The following PRR5 variants were observed in gnomAD, a reference collection of about 807,000 sequenced individuals.
PRR5 encodes proline-rich protein 5.
Under a neutral mutation model 30.6 loss-of-function variants are expected in PRR5, and 25 were observed. That is an observed-to-expected ratio of 0.82 (90% CI 0.60 to 1.14). The LOEUF is 1.14. Ranked by LOEUF, PRR5 falls within the 50% of genes most tolerant of loss-of-function variation. The pLI, the probability that PRR5 is intolerant of heterozygous loss-of-function variation, is 0.00. For synonymous variants in PRR5, 286 were observed against 247.1 expected (o/e 1.16, Z -1.48); for missense variants, 600 against 547.1 (o/e 1.10, Z -0.96).
intron 2 of PRR5, among the ~76,000 whole-genome samples, chr22:44,719,235 A>G (rs1181624296): frequency 6.9e-6 from 1 of 145,394 alleles, no homozygotes; most frequent in Non-Finnish European, 1.5e-5. Flanking sequence ...GTCCAGCACC[A>G]AGCCTAGCTA....
intron 1 of PRR5, among the ~76,000 whole-genome samples, chr22:44,702,859 C>A (rs1926566217): frequency 6.6e-6 from 1 of 152,202 alleles, no homozygotes; most frequent in South Asian, 2.1e-4. Flanking sequence ...AAGCGCCCGG[C>A]GGGTGGGCGG....
At position 44,702,341 on chromosome 22, in the gene PRR5, G is replaced by C. The variant is rs1330351261; in HGVS notation, c.-134G>C. On this transcript the variant is annotated 5_prime_UTR_variant, in exon 1 of 8. Coordinates refer to ENST00000336985, the MANE Select transcript of PRR5 (RefSeq NM_181333.4). ...CGCGGGGCCGGGGCGGGACCCCGCA[G>C]GACCGCTCGGCTTCCTGCTCTCGCC... is the stretch of plus-strand genomic sequence containing the variant. 3.4e-6 allele frequency: 4 copies of C among 1,173,352 alleles called. No individual in the cohort carries two copies. The allele number at this position is 1,173,352 out of a possible 1,614,324, so 72.7% of individuals were successfully genotyped here.
chr22:44,725,115 A>C, intron 2 of PRR5, 129 bp from the exon 3 acceptor site: 1 of 1,371,802 alleles, frequency 7.3e-7, no homozygotes, highest in Non-Finnish European at 1.0e-6. Flanking sequence ...CCTGTCCACT[A>C]CCCATGTTTT....
chr22:44,701,407 C>A (rs894924808), upstream of PRR5, among the ~76,000 whole-genome samples: 2 of 152,238 alleles, frequency 1.3e-5, no homozygotes, highest in Non-Finnish European at 2.9e-5. Flanking sequence ...GCCTCAATGT[C>A]CTCAACTGGA....
At chr22:44,720,950 G>T (rs1929841325) in intron 2 of PRR5, among the ~76,000 whole-genome samples, 2 of 152,190 alleles carry the variant, frequency 1.3e-5, no homozygotes, top group Admixed American at 6.5e-5. Context: ...TCCAGCCATT[G>T]TGAGCCAAGG....
chr22:44,713,387 C>T (rs1426563950), intron 1 of PRR5, among the ~76,000 whole-genome samples: 3 of 151,786 alleles, frequency 2.0e-5, no homozygotes, highest in African/African-American at 7.3e-5. Context: ...GTGAGCCACC[C>T]CGCTCGGCCT....
At chr22:44,704,250 G>C (rs1210434951) in intron 1 of PRR5, among the ~76,000 whole-genome samples, 1 of 152,176 alleles carries the variant, frequency 6.6e-6, no homozygotes, top group Non-Finnish European at 1.5e-5. Context: ...GGCTCCACAG[G>C]AATCAGTCAG....
chr22:44,726,320 G>A (rs1349536926), intron 3 of PRR5, among the ~76,000 whole-genome samples: 1 of 152,242 alleles, frequency 6.6e-6, no homozygotes, highest in Non-Finnish European at 1.5e-5. Context: ...AGTGCAAGGA[G>A]CTCTAGGCCC....
intron 1 of PRR5, among the ~76,000 whole-genome samples, chr22:44,710,743 G>C (rs1467506387): frequency 6.6e-6 from 1 of 152,198 alleles, no homozygotes; most frequent in African/African-American, 2.4e-5. Flanking sequence ...GTGCCAGGCT[G>C]TGTGCCTCTG....
At chr22:44,668,814 C>G (rs1212967680) in intron 1 of PRR5, 1 of 149,234 alleles carries the variant, frequency 6.7e-6, no homozygotes, top group Non-Finnish European at 1.5e-5. Flanking sequence ...AGGTGAGCGG[C>G]GGCTACGGGT....
chr22:44,676,016 G>T (rs1923733611), upstream of PRR5, among the ~76,000 whole-genome samples: 1 of 151,834 alleles, frequency 6.6e-6, no homozygotes, highest in African/African-American at 2.4e-5. Context: ...GGGATCCTTA[G>T]CTCCATTGTA....
upstream of PRR5, among the ~76,000 whole-genome samples, chr22:44,675,848 A>G (rs1428448336): frequency 2.0e-5 from 3 of 151,612 alleles, no homozygotes; most frequent in South Asian, 6.3e-4. Flanking sequence ...GACAGGAGCC[A>G]GATTCTCTGC....
intron 1 of PRR5, among the ~76,000 whole-genome samples, chr22:44,690,331 C>T (rs927688907): frequency 6.6e-6 from 1 of 152,102 alleles, no homozygotes; most frequent in African/African-American, 2.4e-5. Flanking sequence ...CAAGCACAGT[C>T]TGAGACCCTG....
intron 2 of PRR5, among the ~76,000 whole-genome samples, chr22:44,717,903 C>T (rs1375838694): frequency 1.3e-5 from 2 of 151,754 alleles, no homozygotes; most frequent in Admixed American, 6.6e-5. Context: ...TTAGTAGAGA[C>T]GGGGTTTGTC....
chr22:44,680,028 T>C (rs1310610147), intron 1 of PRR5: 2 of 721,910 alleles, frequency 2.8e-6, no homozygotes, highest in Non-Finnish European at 4.6e-6. Context: ...CCTGAGTGAG[T>C]GTGTTTGGTG....
At chr22:44,720,289 C>T (rs536508220) in intron 2 of PRR5, among the ~76,000 whole-genome samples, 6 of 152,356 alleles carry the variant, frequency 3.9e-5, no homozygotes, top group East Asian at 1.9e-4. Flanking sequence ...CCCACAATCC[C>T]GGACTGGGCA....
chr22:44,714,750 G>T, intron 2 of PRR5, 79 bp downstream of exon 2: 1 of 1,551,662 alleles, frequency 6.4e-7, no homozygotes. Flanking sequence ...CCCCAGCCAG[G>T]CCCCTGACCC....
chr22:44,729,771 A>G, intron 4 of PRR5: 2 of 985,452 alleles, frequency 2.0e-6, no homozygotes, highest in African/African-American at 1.7e-5. Context: ...ATTCTGTTTT[A>G]CAACATCTGC....
intron 1 of PRR5, among the ~76,000 whole-genome samples, chr22:44,712,020 C>T (rs940093471): frequency 7.9e-5 from 12 of 152,050 alleles, no homozygotes; most frequent in African/African-American, 2.9e-4. Context: ...TCTACTGTGA[C>T]ATAGTTGTGG....
Sources: allele counts gnomAD v4.1 joint callset (sites outside exome capture counted in the v4.1 genomes callset), GRCh38; gene constraint gnomAD v4.1.1; transcripts MANE v1.5; gene names NCBI Gene and HGNC (gene_info 2026-07-23, HGNC 2026-07-21).